SCYL2: variants seen among roughly 807,000 people sequenced by gnomAD.
The protein encoded by SCYL2 is SCY1-like protein 2.
Under a neutral mutation model 100.4 loss-of-function variants are expected in SCYL2, and 36 were observed. That is an observed-to-expected ratio of 0.36 (90% CI 0.27 to 0.47). SCYL2 has a LOEUF of 0.47. Ranked by LOEUF, SCYL2 falls within the 20% of genes least tolerant of loss-of-function variation. The probability of loss-of-function intolerance (pLI) is 1.00; values close to 1 mark genes in which losing one functional copy is unlikely to be tolerated. For synonymous variants in SCYL2, 330 were observed against 359.2 expected, an observed-to-expected ratio of 0.92 and a Z score of 0.92; for missense variants, 902 against 1,083.9, an observed-to-expected ratio of 0.83 and a Z score of 2.36.
At chr12:100,288,342 C>G (rs2096306684) in intron 2 of SCYL2, among the ~76,000 whole-genome samples, 1 of 151,848 alleles carries the variant, frequency 6.6e-6, no homozygotes, top group African/African-American at 2.4e-5. Context: ...GAGATGGGGC[C>G]TTACTGTGTT....
intron 14 of SCYL2, 37 bp from the exon 15 acceptor site, chr12:100,335,588 C>A (rs1592973246): frequency 2.1e-6 from 3 of 1,452,176 alleles, no homozygotes; most frequent in South Asian, 1.2e-5. Context: ...ATATGCATTT[C>A]TTTTTATTGT....
chr12:100,337,199 G>C (rs928692735), intron 16 of SCYL2, among the ~76,000 whole-genome samples, 188 bp from the exon 17 acceptor site: 2 of 152,098 alleles, frequency 1.3e-5, no homozygotes, highest in Non-Finnish European at 2.9e-5. Flanking sequence ...CACAGATCCT[G>C]TGAGTTTTTA....
At chr12:100,293,684 A>C (rs1342152990) in intron 3 of SCYL2, among the ~76,000 whole-genome samples, 1 of 151,986 alleles carries the variant, frequency 6.6e-6, no homozygotes, top group African/African-American at 2.4e-5. Context: ...AGCCTTCCGC[A>C]GTGTTTGTGT....
chr12:100,292,398 T>C (rs2096311624), intron 3 of SCYL2, among the ~76,000 whole-genome samples: 1 of 152,186 alleles, frequency 6.6e-6, no homozygotes, highest in South Asian at 2.1e-4. Flanking sequence ...TTTTTAAGGA[T>C]AGGGGAAGAA....
At chr12:100,320,549 A>AAAATAAATAAATAAATAAAT (rs10644195) in intron 10 of SCYL2, among the ~76,000 whole-genome samples, 1 of 139,756 alleles carries the variant, frequency 7.2e-6, no homozygotes, top group South Asian at 2.4e-4. Flanking sequence ...CTCCGTCTCA[A>AAAATAAATAAATAAATAAAT]AAATAAATAA....
rs760848151 is a variant in SCYL2, at chr12:100,334,223, A to G, written c.1819A>G (p.Lys607Glu). The G allele has an allele frequency of 7.5e-6, 12 of 1,605,676 alleles. No individual in the cohort carries two copies. The South Asian group carries it at 1.3e-4, about 18-fold the overall frequency. The change falls in exon 14 of 18, where the codon AAG (lysine) becomes GAG (glutamate). Residue 607 changes from lysine (K) to glutamate (E), a missense_variant. Lys to Glu is a moderately conservative substitution (Grantham distance 56). Coordinates refer to ENST00000360820, the MANE Select transcript of SCYL2 (RefSeq NM_017988.6). ...GCTTAATAGATTGGAGTCTGAACAT[A>G]AGACTAAACTGGAGCAACTTCATAT... ...EMLNRLESEH[K>E]TKLEQLHIMQ...
intron 5 of SCYL2, 94 bp downstream of exon 5, chr12:100,311,287 T>G: frequency 8.1e-7 from 1 of 1,231,996 alleles, no homozygotes; most frequent in Non-Finnish European, 1.1e-6. Context: ...TACAGTGGTA[T>G]GTTTAGATAT....
rs1234562552 is a variant in SCYL2, at chr12:100,338,522, T to C, written c.2146-6T>C. 2 of 1,565,478 alleles carry C rather than the reference T, an allele frequency of 1.3e-6. No homozygotes were observed. Among genetic ancestry groups the C allele is most frequent in the Non-Finnish European group, 1.7e-6 (2 of 1,156,898 alleles). On this transcript the variant is annotated splice_polypyrimidine_tract_variant and splice_region_variant and intron_variant, in intron 17 of 17. Coordinates refer to ENST00000360820, the MANE Select transcript of SCYL2 (RefSeq NM_017988.6). Reference sequence around the variant, plus strand: ...AGAGATAAAGTAATTCTCTCATATTTTTCAGACTAAGGACTTGACAGACAC... The same window carrying C: ...AGAGATAAAGTAATTCTCTCATATTCTTCAGACTAAGGACTTGACAGACAC...
At chr12:100,270,266 C>A (rs80294810) in intron 1 of SCYL2, among the ~76,000 whole-genome samples, 6,649 of 152,106 alleles carry the variant, frequency 0.044, 395 homozygotes, top group East Asian at 0.28. Context: ...GGATTAAAGG[C>A]GTGAGCCACC....
chr12:100,296,691 A>T (rs763532850), intron 3 of SCYL2: 1 of 152,242 alleles, frequency 6.6e-6, no homozygotes, highest in Non-Finnish European at 1.5e-5. Flanking sequence ...AGCAAAAAAA[A>T]ATAGATTCAA....
chr12:100,336,081 A>G (rs77508653), intron 16 of SCYL2, among the ~76,000 whole-genome samples, 175 bp downstream of exon 16: 6,401 of 152,238 alleles, frequency 0.042, 476 homozygotes, highest in African/African-American at 0.14. Context: ...GAGAATAAAC[A>G]TACTTAAGAT....
At chr12:100,318,023 T>C in intron 10 of SCYL2, 98 bp downstream of exon 10, 1 of 1,079,124 alleles carries the variant, frequency 9.3e-7, no homozygotes, top group South Asian at 2.0e-5. Context: ...ATAAAATACA[T>C]AACTCAATAG....
At chr12:100,271,797 GA>G (rs962675932) in intron 1 of SCYL2, among the ~76,000 whole-genome samples, 28 of 152,242 alleles carry the variant, frequency 1.8e-4, no homozygotes, top group African/African-American at 5.5e-4. Flanking sequence ...GGAAGCTGGG[GA>G]AAAAAGTAAA....
At chr12:100,268,575 A>G (rs951677821) in intron 1 of SCYL2, among the ~76,000 whole-genome samples, 1 of 152,210 alleles carries the variant, frequency 6.6e-6, no homozygotes, top group Non-Finnish European at 1.5e-5. Context: ...AAGGGCCTTC[A>G]TTCTCTTTAG....
chr12:100,322,372 C>CAAAAA (rs34959294), intron 10 of SCYL2, among the ~76,000 whole-genome samples: 10 of 61,770 alleles, frequency 1.6e-4, no homozygotes, highest in African/African-American at 2.8e-4. Context: ...GACTCCGTCT[C>CAAAAA]AAAAAAAAAA....
chr12:100,317,598 T>G, intron 9 of SCYL2: 1 of 1,211,148 alleles, frequency 8.3e-7, no homozygotes, highest in Non-Finnish European at 1.1e-6. Context: ...AATTAACATT[T>G]AAACTCAGAG....
rs541434412 is a variant in SCYL2 at position 100,309,126 on chromosome 12, G to T, written c.481-1918G>T. ...TTGATTTGTGTGTGTGTGTGTGTGT[G>T]TGTGTGTGCGCGCGCGTGTGTGCAG... is the stretch of plus-strand genomic sequence containing the variant. On this transcript the variant is annotated intron_variant, in intron 4 of 17. Coordinates refer to ENST00000360820, the MANE Select transcript of SCYL2 (RefSeq NM_017988.6). 7.9e-5 allele frequency among the ~76,000 whole-genome samples: 12 copies of T among 151,968 alleles called. 1 individual carries two copies. The East Asian group carries it at 2.3e-3, about 29-fold the overall frequency.
rs546730784 is a variant in SCYL2, at chr12:100,340,887, A to G, written c.*1715A>G. 8.7e-4 allele frequency: 132 copies of G among 151,226 alleles called. No individual in the cohort carries two copies. Among genetic ancestry groups the G allele is most frequent in the African/African-American group, 2.9e-3 (122 of 41,440 alleles). 9.4% of individuals were successfully genotyped at this position (151,226 alleles called of 1,614,324 possible). A position where few individuals can be genotyped will look rare whatever the true frequency, so the allele number is the denominator to read the frequency against. ...CTGTCCTGTTTGTAATGCAATATTA[A>G]TATGTCTTTTGGGAAAAAGCCTACA... On this transcript the variant is annotated 3_prime_UTR_variant, in exon 18 of 18. Coordinates refer to ENST00000360820, the MANE Select transcript of SCYL2 (RefSeq NM_017988.6).
chr12:100,333,427 G>A (rs1025539181), intron 13 of SCYL2, among the ~76,000 whole-genome samples: 1 of 152,038 alleles, frequency 6.6e-6, no homozygotes, highest in Non-Finnish European at 1.5e-5. Context: ...AGAGTTGTGA[G>A]GATTAATAAA....
Sources: allele counts gnomAD v4.1 joint callset (sites outside exome capture counted in the v4.1 genomes callset), GRCh38; gene constraint gnomAD v4.1.1; transcripts MANE v1.5; gene names NCBI Gene and HGNC (gene_info 2026-07-23, HGNC 2026-07-21).